The following DTWD2 variants were observed in gnomAD, a reference collection of about 807,000 sequenced individuals.
DTWD2 encodes tRNA-uridine aminocarboxypropyltransferase 2.
In DTWD2, 39 loss-of-function variants were observed where a neutral mutation model predicts 31.8. The ratio of observed to expected loss-of-function variants is 1.22; its 90% CI spans 0.95 to 1.60. The LOEUF (loss-of-function observed/expected upper bound fraction) is 1.60. Ranked by LOEUF, DTWD2 falls within the 40% of genes most tolerant of loss-of-function variation. The pLI, the probability that DTWD2 is intolerant of heterozygous loss-of-function variation, is 0.00. For missense variants in DTWD2, 515 were observed against 381.5 expected, an observed-to-expected ratio of 1.35 and a Z score of -2.92; for synonymous variants, 180 against 142.8, an observed-to-expected ratio of 1.26 and a Z score of -1.86.
intron 4 of DTWD2, among the ~76,000 whole-genome samples, chr5:118,886,111 T>C (rs1752862278): frequency 6.6e-6 from 1 of 152,252 alleles, no homozygotes; most frequent in South Asian, 2.1e-4. Flanking sequence ...TTATTATAAA[T>C]TGTGCTTATT....
intron 1 of DTWD2, among the ~76,000 whole-genome samples, chr5:118,984,438 G>A (rs1755375878): frequency 6.6e-6 from 1 of 150,802 alleles, no homozygotes; most frequent in Non-Finnish European, 1.5e-5. Flanking sequence ...TCCAGCCTGG[G>A]TGACAGAGCA....
chr5:118,853,368 C>T (rs1561426819), intron 4 of DTWD2, among the ~76,000 whole-genome samples: 2 of 151,992 alleles, frequency 1.3e-5, no homozygotes, highest in African/African-American at 2.4e-5. Context: ...AAAATAGAAC[C>T]ACCATTCAGC....
chr5:118,962,766 G>C (rs913870132), intron 1 of DTWD2, among the ~76,000 whole-genome samples: 3 of 152,182 alleles, frequency 2.0e-5, no homozygotes, highest in African/African-American at 7.2e-5. Flanking sequence ...AAACCTGTCA[G>C]CAGGAGGTAG....
intron 1 of DTWD2, among the ~76,000 whole-genome samples, chr5:118,947,232 G>T (rs902286200): frequency 1.3e-5 from 2 of 152,076 alleles, no homozygotes; most frequent in African/African-American, 4.8e-5. Context: ...AGCCCCAGAG[G>T]GCATGTGATA....
chr5:118,947,548 C>T (rs1480731309), intron 1 of DTWD2, among the ~76,000 whole-genome samples: 1 of 152,192 alleles, frequency 6.6e-6, no homozygotes, highest in African/African-American at 2.4e-5. Flanking sequence ...GCCTTTCCTC[C>T]TCTCCCCTTC....
At chr5:118,864,839 T>C (rs1312367108) in intron 4 of DTWD2, among the ~76,000 whole-genome samples, 1 of 152,142 alleles carries the variant, frequency 6.6e-6, no homozygotes, top group Non-Finnish European at 1.5e-5. Context: ...AGTGCTATGT[T>C]ACCATGTATC....
intron 1 of DTWD2, among the ~76,000 whole-genome samples, chr5:118,984,786 AAGTGG>A (rs1322830629): frequency 1.3e-5 from 2 of 152,164 alleles, no homozygotes; most frequent in Non-Finnish European, 2.9e-5. Flanking sequence ...AATGATTTGC[AAGTGG>A]TTTATGACTC....
At chr5:118,870,074 G>C (rs566831833) in intron 4 of DTWD2, among the ~76,000 whole-genome samples, 2 of 152,246 alleles carry the variant, frequency 1.3e-5, no homozygotes, top group African/African-American at 4.8e-5. Context: ...TAAGCTTCCT[G>C]AAGCTTGCCC....
chr5:118,988,417 C>G lies in DTWD2; in HGVS notation c.95G>C (p.Arg32Pro), dbSNP rs1180117563. 1.9e-6 allele frequency: 3 copies of G among 1,604,878 alleles called. No individual in the cohort carries two copies. In the Admixed American group the frequency reaches 5.0e-5, roughly 27 times the overall value. The change falls in exon 1 of 6, where the codon CGG becomes CCG. Residue 32 changes from arginine to proline, a missense_variant. Coordinates refer to ENST00000510708, the MANE Select transcript of DTWD2 (RefSeq NM_173666.4). ...SSQTPNDKERREGGAVPAAAA... is the reference protein window; with the variant it reads ...SSQTPNDKERPEGGAVPAAAA... ...CGCCGCCGGCACTGCGCCGCCCTCC[C>G]GCCGCTCCTTGTCGTTCGGCGTCTG...
In DTWD2 at chr5:118,838,699, T is replaced by C. The variant is rs1751633498; in HGVS notation, c.*2218A>G. ...GTCAGTAAAGTAATTTGGAAAACTA[T>C]ACATACTTCAAGAAAATTTTATACA... On this transcript the variant is annotated 3_prime_UTR_variant, in exon 6 of 6. Transcript: ENST00000510708. The C allele has an allele frequency of 6.6e-6, 1 of 152,212 alleles. No homozygotes were observed. Among genetic ancestry groups the C allele is most frequent in the Admixed American group, 6.5e-5 (1 of 15,292 alleles). 9.4% of individuals were successfully genotyped at this position (152,212 alleles called of 1,614,324 possible). A position where few individuals can be genotyped will look rare whatever the true frequency, so the allele number is the denominator to read the frequency against.
At chr5:118,904,131 G>T (rs1317846718) in intron 4 of DTWD2, among the ~76,000 whole-genome samples, 1 of 151,980 alleles carries the variant, frequency 6.6e-6, no homozygotes, top group Non-Finnish European at 1.5e-5. Context: ...AATACCCAGG[G>T]CTGTTGAGAT....
chr5:118,949,936 C>T lies in DTWD2; in HGVS notation c.219-5287G>A, dbSNP rs183657446. 2.6e-4 allele frequency among the ~76,000 whole-genome samples: 39 copies of T among 152,212 alleles called. No individual in the cohort carries two copies. In the East Asian group the frequency reaches 7.0e-3, roughly 27 times the overall value. The stretch of plus-strand genomic sequence containing the variant: ...AAAGAATATTGTCTAAGCGGCCGGG[C>T]GCGATGGCTCACGCCTGTAATCCCA... On this transcript the variant is annotated intron_variant, in intron 1 of 5. Coordinates refer to ENST00000510708, the MANE Select transcript of DTWD2 (RefSeq NM_173666.4).
intron 4 of DTWD2, among the ~76,000 whole-genome samples, chr5:118,895,670 C>T (rs1042914647): frequency 1.3e-5 from 2 of 152,134 alleles, no homozygotes; most frequent in Non-Finnish European, 2.9e-5. Context: ...ACACATAGAC[C>T]AGTGGAACAG....
rs190870992 is a variant in DTWD2 at position 118,981,890 on chromosome 5, C to T, written c.218+6404G>A. On this transcript the variant is annotated intron_variant, in intron 1 of 5. Transcript: ENST00000510708. ...AGATTAGAAGAAGGCAGAGAAACAC[C>T]TCATGTAAATACTTACTACATGCAA... Among the ~76,000 whole-genome samples the T allele has an allele frequency of 4.7e-4, 72 of 152,230 alleles. No individual in the cohort carries two copies. The East Asian group carries it at 8.9e-3, about 19-fold the overall frequency.
At chr5:118,969,198 G>C (rs75204475) in intron 1 of DTWD2, among the ~76,000 whole-genome samples, 3 of 151,932 alleles carry the variant, frequency 2.0e-5, no homozygotes, top group African/African-American at 4.8e-5. Context: ...GGGGAGGGGC[G>C]GGGGGGAAGC....
chr5:118,901,550 C>T (rs1026047541), intron 4 of DTWD2, among the ~76,000 whole-genome samples: 1 of 151,928 alleles, frequency 6.6e-6, no homozygotes, highest in Non-Finnish European at 1.5e-5. Flanking sequence ...AAGAAAATAT[C>T]ATATATATTA....
intron 3 of DTWD2, 88 bp from the exon 4 acceptor site, chr5:118,928,817 C>G: frequency 9.1e-7 from 1 of 1,094,564 alleles, no homozygotes; most frequent in Non-Finnish European, 1.3e-6. Flanking sequence ...ATAAAAGTTT[C>G]CCTATATGTA....
intron 1 of DTWD2, among the ~76,000 whole-genome samples, chr5:118,948,095 T>C (rs1018716141): frequency 1.3e-5 from 2 of 152,138 alleles, no homozygotes; most frequent in South Asian, 2.1e-4. Context: ...TGGGGCAACA[T>C]AGAGTGTTGA....
At chr5:118,915,050 C>G (rs1753542828) in intron 4 of DTWD2, among the ~76,000 whole-genome samples, 1 of 152,058 alleles carries the variant, frequency 6.6e-6, no homozygotes, top group African/African-American at 2.4e-5. Flanking sequence ...AATCCTGTCT[C>G]TACTAAAAAT....
Sources: allele counts gnomAD v4.1 joint callset (sites outside exome capture counted in the v4.1 genomes callset), GRCh38; gene constraint gnomAD v4.1.1; transcripts MANE v1.5; gene names NCBI Gene and HGNC (gene_info 2026-07-23, HGNC 2026-07-21).